The following RUBCN variants were observed in gnomAD, a reference collection of about 807,000 sequenced individuals.
RUBCN encodes the protein run domain Beclin-1-interacting and cysteine-rich domain-containing protein.
A neutral mutation model predicts 113.2 loss-of-function variants in RUBCN; 74 were observed. The ratio of observed to expected loss-of-function variants is 0.65; its 90% CI spans 0.54 to 0.79. The LOEUF is 0.79. Ranked by LOEUF, RUBCN falls within the 30% of genes least tolerant of loss-of-function variation. The pLI is 0.00. For missense variants in RUBCN, 1,109 were observed against 1,251.7 expected, an observed-to-expected ratio of 0.89 and a Z score of 1.72; for synonymous variants, 480 against 490.0, an observed-to-expected ratio of 0.98 and a Z score of 0.27.
At chr3:197,682,351 A>G in intron 14 of RUBCN, 119 bp downstream of exon 14, 1 of 1,221,736 alleles carries the variant, frequency 8.2e-7, no homozygotes, top group South Asian at 1.3e-5. Flanking sequence ...CTGCCTTTAA[A>G]TGAAGAGAAC....
intron 1 of RUBCN, among the ~76,000 whole-genome samples, chr3:197,725,811 C>T (rs548973890): frequency 2.0e-5 from 3 of 152,264 alleles, no homozygotes; most frequent in Admixed American, 2.0e-4. Flanking sequence ...TCCCTTATGT[C>T]AGAAACCTAA....
intron 16 of RUBCN, among the ~76,000 whole-genome samples, chr3:197,678,828 G>A (rs868131434): frequency 5.1e-5 from 6 of 118,610 alleles, no homozygotes; most frequent in Admixed American, 2.9e-4. Context: ...CCAGACTGTC[G>A]TACGCTCTAA....
chr3:197,737,086 C>G (rs114189938), upstream of RUBCN: 25,627 of 396,832 alleles, frequency 0.065, 1,096 homozygotes, highest in Non-Finnish European at 0.079. Context: ...CCCTCCAATC[C>G]CAGGCCGCGC....
At chr3:197,721,725 C>T (rs1179280115) in intron 1 of RUBCN, among the ~76,000 whole-genome samples, 1 of 152,036 alleles carries the variant, frequency 6.6e-6, no homozygotes, top group Non-Finnish European at 1.5e-5. Flanking sequence ...ATGTTAATTG[C>T]TATTTTCTTC....
intron 1 of RUBCN, among the ~76,000 whole-genome samples, chr3:197,719,283 C>A (rs1414001337): frequency 6.6e-6 from 1 of 151,922 alleles, no homozygotes; most frequent in Non-Finnish European, 1.5e-5. Flanking sequence ...TAGAAACCAG[C>A]CTGGCCAACA....
rs1472971428 is a variant in RUBCN, at chr3:197,736,684, G to A, written c.36C>T (p.Gly12=). ...TCTCCTCAGGCAGGCGCTCCTCGCC[G>A]CCTCCGAGCTCCATTCCCGCGCCCT... ...RPEGAGMELG[G]GEERLPEESR... The change falls in exon 1 of 20, where the codon GGC becomes GGT. Residue 12 remains glycine, a synonymous_variant. Transcript: ENST00000296343. 5 of 1,531,958 alleles carry A rather than the reference G, an allele frequency of 3.3e-6. No individual in the cohort carries two copies. Among genetic ancestry groups the A allele is most frequent in the Non-Finnish European group, 4.4e-6 (5 of 1,145,966 alleles). 94.9% of individuals were successfully genotyped at this position (1,531,958 alleles called of 1,614,324 possible).
chr3:197,684,083 A>G, intron 12 of RUBCN, 74 bp downstream of exon 12: 3 of 1,229,534 alleles, frequency 2.4e-6, no homozygotes, highest in Non-Finnish European at 3.6e-6. Flanking sequence ...CCAGCCATAC[A>G]CCAAGAACTG....
intron 2 of RUBCN, among the ~76,000 whole-genome samples, chr3:197,715,065 G>A (rs995845484): frequency 3.3e-5 from 5 of 151,922 alleles, no homozygotes; most frequent in Admixed American, 6.6e-5. Flanking sequence ...CGAGGCAGGC[G>A]GATCATCTGA....
At position 197,705,425 on chromosome 3, in the gene RUBCN, G is replaced by A. The variant is rs115357479; in HGVS notation, c.220-250C>T. Among the ~76,000 whole-genome samples, 982 of 152,060 alleles carry A rather than the reference G, an allele frequency of 6.5e-3. 12 individuals are homozygous for A. Among genetic ancestry groups the A allele is most frequent in the African/African-American group, 0.022 (896 of 41,474 alleles). On this transcript the variant is annotated intron_variant, in intron 2 of 19. Transcript: ENST00000296343. The stretch of plus-strand genomic sequence containing the variant: ...CTACAAACAATTTAAAGCTTACCCC[G>A]AGTGGTGGGACATGCCTTAGTCCCA...
intron 1 of RUBCN, among the ~76,000 whole-genome samples, chr3:197,733,928 G>A (rs375485838): frequency 6.6e-6 from 1 of 152,128 alleles, no homozygotes; most frequent in African/African-American, 2.4e-5. Flanking sequence ...GTTACTATTA[G>A]CATAGTGAGA....
chr3:197,723,615 C>T (rs899964553), intron 1 of RUBCN, among the ~76,000 whole-genome samples: 6 of 152,190 alleles, frequency 3.9e-5, no homozygotes. Flanking sequence ...TCCCATTTTA[C>T]ATATTTTTAT....
At chr3:197,749,484 T>A in exon 1 of RUBCN, 1 of 1,281,538 alleles carries the variant, frequency 7.8e-7, no homozygotes. Context: ...AGGGGGGAGC[T>A]GGGATGCAGC....
At chr3:197,685,823 G>C (rs746404697) in intron 11 of RUBCN, among the ~76,000 whole-genome samples, 7 of 152,206 alleles carry the variant, frequency 4.6e-5, no homozygotes, top group Non-Finnish European at 7.3e-5. Context: ...AGTGCTGGTA[G>C]AGAAAAGAAA....
intron 3 of RUBCN, 24 bp downstream of exon 3, chr3:197,705,068 C>T: frequency 6.3e-7 from 1 of 1,588,938 alleles, no homozygotes; most frequent in African/African-American, 1.3e-5. Flanking sequence ...TCTGCCAGCA[C>T]AGCCGCTCTG....
At chr3:197,694,720 C>T (rs1722817343) in intron 9 of RUBCN, 135 bp from the exon 10 acceptor site, 2 of 787,508 alleles carry the variant, frequency 2.5e-6, no homozygotes, top group Non-Finnish European at 2.2e-6. Context: ...GACATTTCTA[C>T]TACGAGGAAA....
At position 197,683,329 on chromosome 3, in the gene RUBCN, G is replaced by C. The variant is rs747087995; in HGVS notation, c.1958C>G (p.Pro653Arg). The C allele has an allele frequency of 1.2e-6, 2 of 1,614,044 alleles. No homozygotes were observed. Among genetic ancestry groups the C allele is most frequent in the African/African-American group, 2.7e-5 (2 of 74,916 alleles). Reference protein sequence around the residue: ...PAASELEWLVPEHDAPQKLLP... With the variant: ...PAASELEWLVREHDAPQKLLP... The stretch of plus-strand genomic sequence containing the variant: ...TACCTTCTGAGGGGCATCATGCTCC[G>C]GGACAAGCCACTCCAGCTCCGAGGC... Residue 653 changes from proline (P) to arginine (R), a missense_variant, in exon 13 of 20, where the codon CCG (proline) becomes CGG (arginine). By Grantham distance (103) the Pro-to-Arg change is moderately radical. Transcript: ENST00000296343. This position sits in a 1 kb window ranked among gnomAD's most constrained non-coding sequence, Gnocchi z 4.6.
Position 197,704,690 on chromosome 3 carries a change from C to T in RUBCN, c.315G>A (p.Val105=). The change falls in exon 4 of 20, where the codon GTG becomes GTA. Residue 105 remains valine, a synonymous_variant. Coordinates refer to ENST00000296343, the MANE Select transcript of RUBCN (RefSeq NM_014687.4). ...CAGCACTGCTCTGGTCGTTCTCGTG[C>T]ACGCTGATGAACTGGGAAGCAAAGG... The part of the protein sequence containing the change: ...SALHVEKFIS[V]HENDQSSADG... The T allele has an allele frequency of 1.2e-6, 2 of 1,613,912 alleles. No homozygotes were observed. The highest frequency in any genetic ancestry group is 1.7e-6 in the Non-Finnish European group (2 of 1,180,004).
intron 1 of RUBCN, 81 bp downstream of exon 1, chr3:197,736,574 T>C: frequency 1.4e-6 from 2 of 1,412,334 alleles, no homozygotes; most frequent in South Asian, 1.2e-5. Flanking sequence ...GGCCCTTCTC[T>C]CCGTGACCCC....
At position 197,682,482 on chromosome 3, in the gene RUBCN, T is replaced by C. The variant is rs1721358182; in HGVS notation, c.2114A>G (p.His705Arg). The part of the protein sequence containing the change: ...PPRPQIIFNV[H>R]PAPTRKIAVA... ...ACTGGCCACTCACGTTGGGGCTGGATGAACATTAAAAATTATCTGAGGCCG... is the reference window on the plus strand; with the variant it reads ...ACTGGCCACTCACGTTGGGGCTGGACGAACATTAAAAATTATCTGAGGCCG... Residue 705 changes from histidine (H) to arginine (R), a missense_variant, in exon 14 of 20, where the codon CAT (histidine) becomes CGT (arginine). Physicochemically the swap from His to Arg is conservative, Grantham distance 29 (BLOSUM62 0). Around this residue, in one of 3 missense-constraint regions of RUBCN, gnomAD observed 306 missense variants for 348.9 expected, o/e 0.88. Coordinates refer to ENST00000296343, the MANE Select transcript of RUBCN (RefSeq NM_014687.4). 1.2e-6 allele frequency: 2 copies of C among 1,614,028 alleles called. No homozygotes were observed. The highest frequency in any genetic ancestry group is 1.1e-5 in the South Asian group (1 of 91,088).
Sources: gnomAD v4.1 joint callset for allele counts (sites outside exome capture counted in the v4.1 genomes callset) on GRCh38, gnomAD v4.1.1 for gene constraint, gnomAD v4.1.1 regional missense constraint, Gnocchi (gnomAD v3.1) non-coding constraint, MANE v1.5 for transcripts, NCBI Gene and HGNC (gene_info 2026-07-23, HGNC 2026-07-21) for gene names.